Variants in SPOCK3 observed in about 807,000 individuals in gnomAD.
The protein encoded by SPOCK3 is testican-3.
In SPOCK3, 30 loss-of-function variants were observed where a neutral mutation model predicts 56.6. The ratio of observed to expected loss-of-function variants is 0.53; its 90% CI spans 0.40 to 0.72. SPOCK3 has a LOEUF of 0.72. Among genes scored for constraint, SPOCK3 ranks in the 30% least tolerant of loss-of-function variants. The pLI is 0.00. For missense variants in SPOCK3, 527 were observed against 530.0 expected, an observed-to-expected ratio of 0.99 and a Z score of 0.06; for synonymous variants, 196 against 183.3, an observed-to-expected ratio of 1.07 and a Z score of -0.56.
chr4:167,073,382 G>T (rs776451269), intron 2 of SPOCK3, among the ~76,000 whole-genome samples: 13 of 151,566 alleles, frequency 8.6e-5, no homozygotes, highest in Non-Finnish European at 1.6e-4. Context: ...ATAAATAACG[G>T]TCATCATAAA....
At chr4:166,776,047 T>TA (rs1321827371) in intron 7 of SPOCK3, among the ~76,000 whole-genome samples, 1 of 152,046 alleles carries the variant, frequency 6.6e-6, no homozygotes, top group East Asian at 1.9e-4. Context: ...TAAGAAGAGT[T>TA]AAACCAGTAA....
intron 2 of SPOCK3, among the ~76,000 whole-genome samples, chr4:167,207,766 T>C (rs2111003455): frequency 6.6e-6 from 1 of 152,188 alleles, no homozygotes; most frequent in East Asian, 1.9e-4. Context: ...ATATACCTAA[T>C]GCTAAATGAC....
chr4:166,806,991 C>G (rs866748664), intron 6 of SPOCK3, among the ~76,000 whole-genome samples: 1 of 151,700 alleles, frequency 6.6e-6, no homozygotes, highest in Non-Finnish European at 1.5e-5. Context: ...ATAATATACT[C>G]TAATAAAAGT....
chr4:167,153,111 A>T (rs1764548777), intron 2 of SPOCK3, among the ~76,000 whole-genome samples: 1 of 152,214 alleles, frequency 6.6e-6, no homozygotes, highest in African/African-American at 2.4e-5. Context: ...TACAGATGAT[A>T]AAACTGAGGT....
chr4:166,968,269 G>A (rs978369001), intron 4 of SPOCK3, among the ~76,000 whole-genome samples: 8 of 152,198 alleles, frequency 5.3e-5, no homozygotes, highest in African/African-American at 1.4e-4. Flanking sequence ...CATTTTCTGG[G>A]TTGCAAATCA....
chr4:166,960,555 T>C (rs1278800845), intron 4 of SPOCK3, among the ~76,000 whole-genome samples: 1 of 152,160 alleles, frequency 6.6e-6, no homozygotes, highest in Non-Finnish European at 1.5e-5. Context: ...AACTATGCCA[T>C]ACAAATAAAG....
intron 3 of SPOCK3, among the ~76,000 whole-genome samples, chr4:167,024,508 A>G (rs1425038704): frequency 6.6e-6 from 1 of 152,078 alleles, no homozygotes; most frequent in African/African-American, 2.4e-5. Flanking sequence ...TTTTAACCCT[A>G]CAATTATATT....
chr4:166,885,142 C>A (rs73861903), intron 6 of SPOCK3, among the ~76,000 whole-genome samples: 26,799 of 151,128 alleles, frequency 0.18, 2,907 homozygotes, highest in African/African-American at 0.3. Context: ...GATTCTTTTT[C>A]CTTGTCCATC....
intron 6 of SPOCK3, among the ~76,000 whole-genome samples, chr4:166,867,939 G>A (rs943905310): frequency 6.6e-6 from 1 of 151,676 alleles, no homozygotes; most frequent in African/African-American, 2.4e-5. Flanking sequence ...TATGTATATA[G>A]TATATGTATA....
intron 3 of SPOCK3, among the ~76,000 whole-genome samples, chr4:167,048,139 T>A (rs1414370416): frequency 6.6e-6 from 1 of 152,038 alleles, no homozygotes; most frequent in Non-Finnish European, 1.5e-5. Flanking sequence ...CACATTATCT[T>A]AATTAAAGCA....
intron 7 of SPOCK3, among the ~76,000 whole-genome samples, chr4:166,764,500 T>G (rs1164851023): frequency 6.6e-6 from 1 of 152,114 alleles, no homozygotes; most frequent in Admixed American, 6.6e-5. Flanking sequence ...TTCATCCATG[T>G]CCCTATAAAG....
intron 7 of SPOCK3, among the ~76,000 whole-genome samples, chr4:166,767,786 G>T (rs1738314920): frequency 6.6e-6 from 1 of 152,118 alleles, no homozygotes; most frequent in Non-Finnish European, 1.5e-5. Flanking sequence ...GTTGACAGTA[G>T]GGTGTTAAAG....
intron 6 of SPOCK3, among the ~76,000 whole-genome samples, chr4:166,849,004 G>A (rs900258217): frequency 6.6e-6 from 1 of 152,042 alleles, no homozygotes; most frequent in Non-Finnish European, 1.5e-5. Context: ...AATCGTGTAA[G>A]TAAAGAAGCC....
chr4:166,804,238 C>T (rs116873751), intron 6 of SPOCK3, among the ~76,000 whole-genome samples: 1 of 152,244 alleles, frequency 6.6e-6, no homozygotes, highest in East Asian at 1.9e-4. Flanking sequence ...AATGTATCTT[C>T]TTACAGTCCT....
chr4:167,153,935 C>G (rs546694010), intron 2 of SPOCK3, among the ~76,000 whole-genome samples: 36 of 151,852 alleles, frequency 2.4e-4, no homozygotes, highest in Admixed American at 2.0e-3. Context: ...ACTGTCAGAG[C>G]CTTCCTTTCC....
Position 166,993,550 on chromosome 4 carries a change from A to G in SPOCK3, c.350+6799T>C, listed in dbSNP as rs1298532083. ...ATTTTCTATAACACAATGGTGGCTC[A>G]TTGTTTCCACTCTCTTCCTTCTCAA... is the stretch of plus-strand genomic sequence containing the variant. On this transcript the variant is annotated intron_variant, in intron 4 of 10. Transcript: ENST00000357545. Among the ~76,000 whole-genome samples the G allele has an allele frequency of 2.6e-5, 4 of 152,222 alleles. No individual in the cohort carries two copies. The South Asian group carries it at 6.2e-4, about 24-fold the overall frequency.
chr4:167,233,402 T>C (rs1737386093), intron 2 of SPOCK3, among the ~76,000 whole-genome samples: 1 of 152,172 alleles, frequency 6.6e-6, no homozygotes, highest in Admixed American at 6.5e-5. Flanking sequence ...ATCAAATGCA[T>C]TGCAAAGATG....
At chr4:167,186,688 G>C (rs1731996818) in intron 2 of SPOCK3, among the ~76,000 whole-genome samples, 1 of 151,892 alleles carries the variant, frequency 6.6e-6, no homozygotes, top group Non-Finnish European at 1.5e-5. Flanking sequence ...ATTCAAGACA[G>C]TAGTCCAGCA....
chr4:166,927,069 C>A (rs4563526), intron 4 of SPOCK3, among the ~76,000 whole-genome samples: 58,039 of 151,960 alleles, frequency 0.38, 12,439 homozygotes, highest in East Asian at 0.7. Flanking sequence ...TGACAGAAAA[C>A]CTAATATGAA....
Sources: gnomAD v4.1 joint callset for allele counts (sites outside exome capture counted in the v4.1 genomes callset) on GRCh38, gnomAD v4.1.1 for gene constraint, MANE v1.5 for transcripts, NCBI Gene and HGNC (gene_info 2026-07-23, HGNC 2026-07-21) for gene names.